The following SLC24A2 variants were observed in gnomAD, a reference collection of about 807,000 sequenced individuals.
SLC24A2 encodes sodium/potassium/calcium exchanger 2.
In SLC24A2, 36 loss-of-function variants were observed where a neutral mutation model predicts 62.0. The ratio of observed to expected loss-of-function variants is 0.58; its 90% CI spans 0.44 to 0.77. The LOEUF (loss-of-function observed/expected upper bound fraction) is 0.77. SLC24A2 is among the 30% of genes least tolerant of loss of function. The probability of loss-of-function intolerance (pLI) is 0.00; values close to 1 mark genes in which losing one functional copy is unlikely to be tolerated. For missense variants in SLC24A2, 846 were observed against 817.9 expected, an observed-to-expected ratio of 1.03 and a Z score of -0.42; for synonymous variants, 358 against 294.0, an observed-to-expected ratio of 1.22 and a Z score of -2.23.
the SLC24A2 span, among the ~76,000 whole-genome samples, chr9:19,891,194 T>A: frequency 2.6e-4 from 39 of 152,210 alleles, no homozygotes; most frequent in African/African-American, 9.4e-4. Context: ...TCCTGTCTCT[T>A]CTTTTCTTCA....
chr9:19,616,199 C>G (rs999288743), intron 4 of SLC24A2, among the ~76,000 whole-genome samples: 1 of 152,058 alleles, frequency 6.6e-6, no homozygotes, highest in African/African-American at 2.4e-5. Flanking sequence ...TTTTAAAAAT[C>G]ATATATTGTG....
At chr9:20,179,592 G>A in the SLC24A2 span, among the ~76,000 whole-genome samples, 17 of 152,122 alleles carry the variant, frequency 1.1e-4, no homozygotes, top group African/African-American at 3.1e-4. Flanking sequence ...TTCCCTCTGT[G>A]CACAGATGTC....
At chr9:19,866,624 AC>A in the SLC24A2 span, among the ~76,000 whole-genome samples, 3 of 106,044 alleles carry the variant, frequency 2.8e-5, no homozygotes, top group African/African-American at 1.0e-4. Context: ...TCACGTTTTC[AC>A]TTTTTTTTTT....
the SLC24A2 span, among the ~76,000 whole-genome samples, chr9:19,854,661 T>C: frequency 2.0e-5 from 3 of 151,900 alleles, no homozygotes; most frequent in African/African-American, 4.8e-5. Context: ...TCAGAGAGAC[T>C]GTTATGATTT....
intron 4 of SLC24A2, among the ~76,000 whole-genome samples, chr9:19,613,147 C>T (rs771270006): frequency 2.6e-5 from 4 of 152,078 alleles, no homozygotes; most frequent in Non-Finnish European, 5.9e-5. Flanking sequence ...TATAGTAGAC[C>T]CTCACTTTTT....
chr9:19,562,714 T>G (rs967993339), intron 7 of SLC24A2, among the ~76,000 whole-genome samples: 15 of 152,120 alleles, frequency 9.9e-5, no homozygotes, highest in Non-Finnish European at 2.2e-4. Context: ...AAATCCCTAA[T>G]TTTTGCTTGT....
At chr9:19,879,360 C>A in the SLC24A2 span, among the ~76,000 whole-genome samples, 5 of 152,066 alleles carry the variant, frequency 3.3e-5, no homozygotes, top group African/African-American at 1.2e-4. Flanking sequence ...ACGGGTGAAT[C>A]ATGGTAGGTT....
chr9:19,648,497 A>G (rs928391543), intron 2 of SLC24A2, among the ~76,000 whole-genome samples: 3 of 152,188 alleles, frequency 2.0e-5, no homozygotes, highest in African/African-American at 7.2e-5. Context: ...CTAAAACTAG[A>G]ACCTACACCA....
At chr9:19,673,614 A>G (rs892949246) in intron 2 of SLC24A2, among the ~76,000 whole-genome samples, 7 of 152,078 alleles carry the variant, frequency 4.6e-5, no homozygotes, top group Non-Finnish European at 8.8e-5. Flanking sequence ...ATGCCCAGCT[A>G]ATTTTTTGTG....
the SLC24A2 span, among the ~76,000 whole-genome samples, chr9:20,155,812 T>TA: frequency 6.6e-6 from 1 of 151,760 alleles, no homozygotes; most frequent in Admixed American, 6.6e-5. Flanking sequence ...TGTTTCTGAA[T>TA]AGTATTTGAA....
the SLC24A2 span, among the ~76,000 whole-genome samples, chr9:19,995,591 A>G: frequency 2.6e-5 from 4 of 152,334 alleles, no homozygotes; most frequent in East Asian, 5.8e-4. Context: ...ACTAATGTTC[A>G]TTTAGGTACC....
chr9:19,663,380 G>A (rs1247282622), intron 2 of SLC24A2, among the ~76,000 whole-genome samples: 5 of 152,210 alleles, frequency 3.3e-5, no homozygotes, highest in Non-Finnish European at 5.9e-5. Context: ...CTCAGGGGTA[G>A]TCTCTATACA....
At chr9:20,050,367 G>A in the SLC24A2 span, among the ~76,000 whole-genome samples, 1 of 151,802 alleles carries the variant, frequency 6.6e-6, no homozygotes, top group Non-Finnish European at 1.5e-5. Flanking sequence ...AGTGAGCCTA[G>A]ATCGCACCAC....
At chr9:19,768,176 A>T (rs955058103) in intron 2 of SLC24A2, among the ~76,000 whole-genome samples, 45 of 152,204 alleles carry the variant, frequency 3.0e-4, no homozygotes, top group African/African-American at 1.0e-3. Flanking sequence ...TTAAGTTTCA[A>T]CATGAGTTTT....
chr9:19,852,127 T>A, the SLC24A2 span, among the ~76,000 whole-genome samples: 7 of 152,368 alleles, frequency 4.6e-5, no homozygotes, highest in Non-Finnish European at 8.8e-5. Flanking sequence ...ATAAATGTCT[T>A]CTTTTGAGAA....
At chr9:19,963,874 T>C in the SLC24A2 span, among the ~76,000 whole-genome samples, 3 of 152,090 alleles carry the variant, frequency 2.0e-5, no homozygotes, top group Non-Finnish European at 4.4e-5. Flanking sequence ...ACTGGGTATA[T>C]ACCCAAAGGA....
At chr9:20,160,781 C>G in the SLC24A2 span, among the ~76,000 whole-genome samples, 4 of 150,510 alleles carry the variant, frequency 2.7e-5, no homozygotes, top group African/African-American at 9.7e-5. Flanking sequence ...AAAGTCATAA[C>G]CTTAAACATC....
In SLC24A2 at chr9:19,607,176, G is replaced by A. The variant is rs527703104; in HGVS notation, c.1079-9897C>T. Among the ~76,000 whole-genome samples, 13 of 152,220 alleles carry A rather than the reference G, an allele frequency of 8.5e-5. No homozygotes were observed. In the East Asian group the frequency reaches 2.3e-3, roughly 27 times the overall value. ...ATGTTTATATAACAATACACATTTC[G>A]AATAGGAAGTCTTTGGTAAATGAAA... On this transcript the variant is annotated intron_variant, in intron 4 of 10. Transcript: ENST00000341998.
the SLC24A2 span, among the ~76,000 whole-genome samples, chr9:20,222,805 A>C: frequency 6.6e-6 from 1 of 152,238 alleles, no homozygotes; most frequent in Non-Finnish European, 1.5e-5. Flanking sequence ...GCCAACTAGA[A>C]TTATAAATGA....
Sources: gnomAD v4.1 joint callset for allele counts (sites outside exome capture counted in the v4.1 genomes callset) on GRCh38, gnomAD v4.1.1 for gene constraint, MANE v1.5 for transcripts, NCBI Gene and HGNC (gene_info 2026-07-23, HGNC 2026-07-21) for gene names.